Variants in NRG3 observed in about 807,000 individuals in gnomAD.
NRG3 encodes pro-neuregulin-3, membrane-bound isoform.
NRG3 carries 31 observed loss-of-function variants against 66.9 expected under a neutral mutation model. The ratio of observed to expected loss-of-function variants is 0.46; its 90% CI spans 0.35 to 0.63. NRG3 has a LOEUF of 0.63. NRG3 is among the 20% of genes least tolerant of loss of function. NRG3 has a pLI of 0.00. For synonymous variants in NRG3, 393 were observed against 359.4 expected, an observed-to-expected ratio of 1.09 and a Z score of -1.06; for missense variants, 910 against 878.9, an observed-to-expected ratio of 1.04 and a Z score of -0.45.
chr10:82,295,919 C>T (rs1182303953), intron 1 of NRG3, among the ~76,000 whole-genome samples: 1 of 151,776 alleles, frequency 6.6e-6, no homozygotes, highest in East Asian at 1.9e-4. Flanking sequence ...AAAAAAACCC[C>T]TATTTTAGGG....
intron 3 of NRG3, among the ~76,000 whole-genome samples, chr10:82,852,417 A>G (rs1256179398): frequency 6.6e-6 from 1 of 152,096 alleles, no homozygotes; most frequent in Non-Finnish European, 1.5e-5. Context: ...CTATGTAACA[A>G]GCTTGCACAT....
Position 82,119,459 on chromosome 10 carries a change from A to G in NRG3, c.824-239280A>G, listed in dbSNP as rs79562120. Among the ~76,000 whole-genome samples, 1,122 of 152,252 alleles carry G rather than the reference A, an allele frequency of 7.4e-3. 11 individuals are homozygous for G. The highest frequency in any genetic ancestry group is 0.026 in the African/African-American group (1,067 of 41,562). On this transcript the variant is annotated intron_variant, in intron 1 of 8. Coordinates refer to ENST00000372141, the MANE Select transcript of NRG3 (RefSeq NM_001010848.4). Reference sequence around the variant, plus strand: ...ACAATAGCCATGTTAGATACACATCATTACCCTTATTCTAAAGATAAATAA... The same window carrying G: ...ACAATAGCCATGTTAGATACACATCGTTACCCTTATTCTAAAGATAAATAA...
At chr10:82,515,844 C>T (rs922451841) in intron 2 of NRG3, among the ~76,000 whole-genome samples, 6 of 152,130 alleles carry the variant, frequency 3.9e-5, no homozygotes, top group Admixed American at 6.6e-5. Flanking sequence ...GCACCTTCTG[C>T]AGAATGAGAT....
At chr10:82,422,631 G>A (rs1246903568) in intron 2 of NRG3, among the ~76,000 whole-genome samples, 1 of 140,848 alleles carries the variant, frequency 7.1e-6, no homozygotes, top group Non-Finnish European at 1.5e-5. Flanking sequence ...ATACAACATT[G>A]TTTTTTGTTT....
intron 2 of NRG3, among the ~76,000 whole-genome samples, chr10:82,501,614 C>G (rs1254341311): frequency 6.6e-6 from 1 of 152,070 alleles, no homozygotes; most frequent in African/African-American, 2.4e-5. Context: ...TGCCTTAGCC[C>G]TTCTCAGTGG....
chr10:82,918,018 A>ATC, intron 4 of NRG3, among the ~76,000 whole-genome samples: 2 of 145,204 alleles, frequency 1.4e-5, no homozygotes, highest in Admixed American at 6.9e-5. Context: ...CTCTCTATAT[A>ATC]TATACATACA....
chr10:82,364,186 A>T (rs1469666324), intron 2 of NRG3, among the ~76,000 whole-genome samples: 1 of 152,188 alleles, frequency 6.6e-6, no homozygotes, highest in Non-Finnish European at 1.5e-5. Context: ...CAAGGTCATT[A>T]TAATTCACTA....
intron 2 of NRG3, among the ~76,000 whole-genome samples, chr10:82,418,900 C>A (rs2088843154): frequency 6.6e-6 from 1 of 152,066 alleles, no homozygotes; most frequent in Non-Finnish European, 1.5e-5. Context: ...TAACATAAAT[C>A]AGTCAGATAT....
intron 1 of NRG3, among the ~76,000 whole-genome samples, chr10:82,176,238 T>C (rs1191213043): frequency 2.0e-5 from 3 of 152,188 alleles, no homozygotes; most frequent in Non-Finnish European, 4.4e-5. Flanking sequence ...TTGGGAAATG[T>C]AACCTTATAT....
At chr10:82,813,160 TA>T (rs898733291) in intron 3 of NRG3, among the ~76,000 whole-genome samples, 5 of 147,580 alleles carry the variant, frequency 3.4e-5, no homozygotes, top group African/African-American at 9.9e-5. Context: ...CAAGTTAAAG[TA>T]AAAAAAACAC....
chr10:82,552,374 C>G (rs533827319), intron 2 of NRG3, among the ~76,000 whole-genome samples: 1 of 151,988 alleles, frequency 6.6e-6, no homozygotes, highest in Non-Finnish European at 1.5e-5. Flanking sequence ...TTTAAACTTA[C>G]TTATTTGATG....
intron 3 of NRG3, chr10:82,827,196 C>T (rs907537726): frequency 4.5e-4 from 94 of 206,694 alleles, no homozygotes; most frequent in African/African-American, 3.8e-3. Flanking sequence ...CTTTTTGTTA[C>T]CAAATTGTAA....
At chr10:82,147,398 A>G (rs920071820) in intron 1 of NRG3, among the ~76,000 whole-genome samples, 12 of 152,242 alleles carry the variant, frequency 7.9e-5, no homozygotes, top group African/African-American at 1.7e-4. Flanking sequence ...CTAAATGTCC[A>G]TAGGTGTCTA....
intron 2 of NRG3, among the ~76,000 whole-genome samples, chr10:82,586,232 G>T: frequency 8.9e-6 from 1 of 112,612 alleles, no homozygotes; most frequent in East Asian, 3.1e-4. Context: ...AATAAAAGTT[G>T]AAATTATTAA....
chr10:82,846,047 T>C (rs897565354), intron 3 of NRG3, among the ~76,000 whole-genome samples: 1 of 152,198 alleles, frequency 6.6e-6, no homozygotes, highest in Non-Finnish European at 1.5e-5. Flanking sequence ...TGAACTATAC[T>C]TCAACATTAC....
intron 3 of NRG3, among the ~76,000 whole-genome samples, chr10:82,839,743 A>G (rs1284727959): frequency 6.6e-6 from 1 of 151,980 alleles, no homozygotes; most frequent in Non-Finnish European, 1.5e-5. Flanking sequence ...AAATACATGA[A>G]TATATATTTA....
rs190044746 is a variant in NRG3, at chr10:82,399,850, G to A, written c.953+40982G>A. Among the ~76,000 whole-genome samples, 296 of 152,246 alleles carry A rather than the reference G, an allele frequency of 1.9e-3. 2 individuals carry two copies. The highest frequency in any genetic ancestry group is 9.1e-4 in the Non-Finnish European group (62 of 68,030). ...CATCAACATGGTTGTTGGCACATAG[G>A]CATTTGCTAATTGTTTCCTTTATTT... is the stretch of plus-strand genomic sequence containing the variant. On this transcript the variant is annotated intron_variant, in intron 2 of 8. Coordinates refer to ENST00000372141, the MANE Select transcript of NRG3 (RefSeq NM_001010848.4).
chr10:82,469,742 A>T (rs1484003696), intron 2 of NRG3, among the ~76,000 whole-genome samples: 1 of 152,212 alleles, frequency 6.6e-6, no homozygotes, highest in Admixed American at 6.5e-5. Flanking sequence ...GGGCATGCAG[A>T]CATGAGCTCT....
At chr10:82,278,480 C>T (rs2078967380) in intron 1 of NRG3, among the ~76,000 whole-genome samples, 1 of 152,058 alleles carries the variant, frequency 6.6e-6, no homozygotes, top group African/African-American at 2.4e-5. Flanking sequence ...TCCCTGTTTC[C>T]TCTCTTCTGT....
Sources: gnomAD v4.1 joint callset for allele counts (sites outside exome capture counted in the v4.1 genomes callset) on GRCh38, gnomAD v4.1.1 for gene constraint, MANE v1.5 for transcripts, NCBI Gene and HGNC (gene_info 2026-07-23, HGNC 2026-07-21) for gene names.